ACBD6: variants seen among roughly 807,000 people sequenced by gnomAD.
ACBD6 encodes acyl-CoA-binding domain-containing protein 6.
ACBD6 carries 28 observed loss-of-function variants against 37.2 expected under a neutral mutation model. That is an observed-to-expected ratio of 0.75 (90% CI 0.56 to 1.03). ACBD6 has a LOEUF of 1.03. Ranked by LOEUF, ACBD6 falls within the 50% of genes least tolerant of loss-of-function variation. ACBD6 has a pLI of 0.00. For missense variants in ACBD6, 340 were observed against 337.4 expected (o/e 1.01, Z -0.06); for synonymous variants, 113 against 126.8 (o/e 0.89, Z 0.73).
intron 3 of ACBD6, among the ~76,000 whole-genome samples, chr1:180,474,153 A>C (rs1055625433): frequency 1.3e-5 from 2 of 152,180 alleles, no homozygotes; most frequent in African/African-American, 2.4e-5. Context: ...TTTCCAATTT[A>C]TTCATAATTC....
chr1:180,439,358 G>A (rs1044240236), intron 3 of ACBD6, among the ~76,000 whole-genome samples: 1 of 152,154 alleles, frequency 6.6e-6, no homozygotes, highest in African/African-American at 2.4e-5. Context: ...GCCGAGGCGG[G>A]TGGATCACAA....
chr1:180,288,198 T>C (rs1649565984), downstream of ACBD6: 1 of 901,314 alleles, frequency 1.1e-6, no homozygotes, highest in South Asian at 1.6e-5. Flanking sequence ...CTAGAATGTA[T>C]GCAAGAAGAA....
At chr1:180,287,621 A>G (rs1383690265), downstream of ACBD6, among the ~76,000 whole-genome samples, 1 of 135,944 alleles carries the variant, frequency 7.4e-6, no homozygotes, top group African/African-American at 2.8e-5. Context: ...CTGCTGCTAC[A>G]TATGACATGG....
intron 3 of ACBD6, chr1:180,435,654 C>G: frequency 1.0e-6 from 1 of 964,314 alleles, no homozygotes; most frequent in Non-Finnish European, 1.7e-6. Context: ...AATGACGGGA[C>G]AGAGTTTGGC....
intron 3 of ACBD6, among the ~76,000 whole-genome samples, chr1:180,442,476 A>C (rs913266776): frequency 1.6e-4 from 24 of 152,208 alleles, no homozygotes; most frequent in Admixed American, 1.4e-3. Flanking sequence ...AATGGAGCAA[A>C]GATTGAAAAA....
At chr1:180,312,801 C>CT (rs1364169612) in intron 7 of ACBD6, among the ~76,000 whole-genome samples, 1 of 152,156 alleles carries the variant, frequency 6.6e-6, no homozygotes, top group Non-Finnish European at 1.5e-5. Flanking sequence ...GTTCCAAGCA[C>CT]TTTACACAGA....
At chr1:180,316,639 A>G (rs1650823804) in intron 6 of ACBD6, among the ~76,000 whole-genome samples, 1 of 152,200 alleles carries the variant, frequency 6.6e-6, no homozygotes, top group Non-Finnish European at 1.5e-5. Context: ...GAGGTGGAAG[A>G]AAGCATAATC....
At chr1:180,306,421 A>G (rs1305967335) in intron 7 of ACBD6, among the ~76,000 whole-genome samples, 3 of 151,912 alleles carry the variant, frequency 2.0e-5, no homozygotes. Context: ...TCATTATTAG[A>G]CTCTCAGAAG....
intron 6 of ACBD6, among the ~76,000 whole-genome samples, chr1:180,353,254 G>C (rs1055002664): frequency 6.6e-6 from 1 of 152,094 alleles, no homozygotes; most frequent in Non-Finnish European, 1.5e-5. Context: ...ATTCTTTTTG[G>C]AATATTCTTA....
At chr1:180,310,135 A>G (rs1343794363) in intron 7 of ACBD6, among the ~76,000 whole-genome samples, 1 of 152,112 alleles carries the variant, frequency 6.6e-6, no homozygotes. Context: ...TGGGAGACTG[A>G]TGTGGGAAAA....
rs1238320357 is a variant in ACBD6 at position 180,502,560 on chromosome 1, C to T, written c.-294G>A. The stretch of plus-strand genomic sequence containing the variant: ...CTCGCCTCAGGCCCCTCCAACGGAA[C>T]AGGAGTCGAGGGGCAGTGAGGCCGG... On this transcript the variant is annotated 5_prime_UTR_variant, in exon 1 of 8. Coordinates refer to ENST00000367595, the MANE Select transcript of ACBD6 (RefSeq NM_032360.4). 1.6e-5 allele frequency: 7 copies of T among 449,526 alleles called. No individual in the cohort carries two copies. The Admixed American group carries it at 2.1e-4, about 13-fold the overall frequency. 27.8% of individuals were successfully genotyped at this position (449,526 alleles called of 1,614,324 possible). A position where few individuals can be genotyped will look rare whatever the true frequency, so the allele number is the denominator to read the frequency against.
intron 5 of ACBD6, 91 bp downstream of exon 5, chr1:180,413,275 G>C (rs1031489349): frequency 4.6e-5 from 42 of 909,874 alleles, no homozygotes; most frequent in Non-Finnish European, 7.5e-5. Flanking sequence ...TGTACTTTGA[G>C]TTGTAGTTCA....
At chr1:180,292,948 T>C (rs1471745827) in intron 7 of ACBD6, among the ~76,000 whole-genome samples, 6 of 152,194 alleles carry the variant, frequency 3.9e-5, no homozygotes, top group Non-Finnish European at 7.3e-5. Flanking sequence ...TGAAGGGAAG[T>C]TGAATTTTGT....
At chr1:180,296,682 G>A (rs564387001) in intron 7 of ACBD6, among the ~76,000 whole-genome samples, 5 of 149,454 alleles carry the variant, frequency 3.3e-5, no homozygotes, top group Non-Finnish European at 5.9e-5. Flanking sequence ...CCGCCCACCC[G>A]GGGCTCCCAA....
At chr1:180,345,101 G>A (rs1652130674) in intron 6 of ACBD6, among the ~76,000 whole-genome samples, 2 of 151,942 alleles carry the variant, frequency 1.3e-5, no homozygotes, top group Admixed American at 6.6e-5. Context: ...TTAATTTACC[G>A]AGCTGGTCTA....
intron 3 of ACBD6, among the ~76,000 whole-genome samples, chr1:180,491,966 C>A (rs982026321): frequency 3.3e-5 from 5 of 152,080 alleles, no homozygotes; most frequent in African/African-American, 1.2e-4. Context: ...TGTACCACCA[C>A]GTCCAGCTAA....
chr1:180,359,014 TA>T (rs910456990), intron 6 of ACBD6, among the ~76,000 whole-genome samples: 4 of 151,916 alleles, frequency 2.6e-5, no homozygotes, highest in African/African-American at 9.7e-5. Context: ...TTGCTGAGGA[TA>T]AAAAAAAGAA....
intron 6 of ACBD6, among the ~76,000 whole-genome samples, chr1:180,382,955 A>G (rs1254125387): frequency 6.6e-6 from 1 of 152,244 alleles, no homozygotes; most frequent in Non-Finnish European, 1.5e-5. Flanking sequence ...CCATACGACC[A>G]TCTCAACAGA....
intron 3 of ACBD6, among the ~76,000 whole-genome samples, chr1:180,449,365 T>C (rs550778357): frequency 6.6e-6 from 1 of 152,058 alleles, no homozygotes; most frequent in African/African-American, 2.4e-5. Flanking sequence ...AAGCAACCCA[T>C]ATGGATACAA....
Sources: allele counts gnomAD v4.1 joint callset (sites outside exome capture counted in the v4.1 genomes callset), GRCh38; gene constraint gnomAD v4.1.1; transcripts MANE v1.5; gene names NCBI Gene and HGNC (gene_info 2026-07-23, HGNC 2026-07-21).